MAD1L1: variants seen among roughly 807,000 people sequenced by gnomAD.
The protein encoded by MAD1L1 is mitotic arrest deficient 1 like 1.
In MAD1L1, 95 loss-of-function variants were observed where a neutral mutation model predicts 96.9. The observed-to-expected ratio is 0.98, with a 90% CI of 0.83 to 1.16. The LOEUF (loss-of-function observed/expected upper bound fraction) is 1.16. Ranked by LOEUF, MAD1L1 falls within the 50% of genes most tolerant of loss-of-function variation. The pLI is 0.00. For missense variants in MAD1L1, 1,007 were observed against 954.4 expected (o/e 1.06, Z -0.73); for synonymous variants, 473 against 396.6 (o/e 1.19, Z -2.29).
At chr7:2,009,078 C>G (rs894813650) in intron 13 of MAD1L1, among the ~76,000 whole-genome samples, 3 of 152,218 alleles carry the variant, frequency 2.0e-5, no homozygotes, top group African/African-American at 7.2e-5. Context: ...TCCACCCAAG[C>G]AGCTGAAGGG....
intron 10 of MAD1L1, among the ~76,000 whole-genome samples, chr7:2,198,892 A>G (rs1792133043): frequency 1.3e-5 from 2 of 152,226 alleles, no homozygotes; most frequent in African/African-American, 4.8e-5. Flanking sequence ...ATAGGGTTCC[A>G]AAGCTCCAGC....
intron 14 of MAD1L1, among the ~76,000 whole-genome samples, chr7:1,992,341 A>C (rs1584017248): frequency 1.3e-5 from 2 of 152,250 alleles, no homozygotes; most frequent in East Asian, 3.8e-4. Context: ...CACTGGGATC[A>C]ATGAGGCTGC....
At chr7:1,866,253 G>A (rs750429425) in intron 18 of MAD1L1, among the ~76,000 whole-genome samples, 6 of 152,058 alleles carry the variant, frequency 3.9e-5, no homozygotes, top group Non-Finnish European at 8.8e-5. Context: ...TGCAGAGCCC[G>A]GGTGCGCTCT....
rs1346210284 is a variant in MAD1L1, at chr7:2,103,199, C to T, written c.1074-33861G>A. On this transcript the variant is annotated intron_variant, in intron 11 of 18. Coordinates refer to ENST00000265854, the MANE Select transcript of MAD1L1 (RefSeq NM_001013836.2). This position sits in a 1 kb window ranked among gnomAD's most constrained non-coding sequence, Gnocchi z 4.3. ...CAAAGGGGCAGCTCCGACCACGCTTCAGCTCTCAGCCCACATGGTGTGTCC... is the reference window on the plus strand; with the variant it reads ...CAAAGGGGCAGCTCCGACCACGCTTTAGCTCTCAGCCCACATGGTGTGTCC... Among the ~76,000 whole-genome samples, 9 of 152,204 alleles carry T rather than the reference C, an allele frequency of 5.9e-5. No homozygotes were observed. The highest frequency in any genetic ancestry group is 1.3e-4 in the Non-Finnish European group (9 of 68,046).
chr7:2,219,817 T>C (rs1201397871), intron 5 of MAD1L1, among the ~76,000 whole-genome samples: 2 of 152,130 alleles, frequency 1.3e-5, no homozygotes, highest in Middle Eastern at 3.4e-3. Context: ...GCCCAGAGCC[T>C]GCCACAAGCC....
intron 16 of MAD1L1, among the ~76,000 whole-genome samples, chr7:1,953,795 T>C (rs527512181): frequency 4.3e-4 from 65 of 152,266 alleles, no homozygotes; most frequent in African/African-American, 1.5e-3. Context: ...CCCAACAGGG[T>C]TGAGTCTGAA....
At chr7:1,985,702 G>T (rs1161203006) in intron 14 of MAD1L1, among the ~76,000 whole-genome samples, 1 of 152,168 alleles carries the variant, frequency 6.6e-6, no homozygotes, top group Non-Finnish European at 1.5e-5. Context: ...TTCCAATTCA[G>T]GAGATGGAAC....
intron 15 of MAD1L1, among the ~76,000 whole-genome samples, chr7:1,965,935 A>C (rs1780148264): frequency 6.6e-6 from 1 of 152,258 alleles, no homozygotes; most frequent in African/African-American, 2.4e-5. Flanking sequence ...GGAAGGACTG[A>C]AAAGCGTAGT....
At chr7:2,086,589 T>G (rs1320237494) in intron 11 of MAD1L1, among the ~76,000 whole-genome samples, 1 of 152,250 alleles carries the variant, frequency 6.6e-6, no homozygotes, top group East Asian at 1.9e-4. Context: ...GTCTCGTTCT[T>G]GTCCCCCAGA....
intron 16 of MAD1L1, 78 bp downstream of exon 16, chr7:1,957,551 G>A: frequency 4.2e-6 from 6 of 1,412,946 alleles, no homozygotes; most frequent in Non-Finnish European, 5.9e-6. Flanking sequence ...TGTGGCAGCA[G>A]GAACCACGGT....
intron 4 of MAD1L1, among the ~76,000 whole-genome samples, chr7:2,224,594 C>T (rs571127142): frequency 3.6e-4 from 55 of 152,290 alleles, no homozygotes; most frequent in Admixed American, 1.2e-3. Context: ...TGTGTGAATA[C>T]ACCGCATGAT....
chr7:2,209,450 C>T (rs531572369), intron 10 of MAD1L1, among the ~76,000 whole-genome samples: 4 of 152,334 alleles, frequency 2.6e-5, no homozygotes, highest in Non-Finnish European at 4.4e-5. Context: ...GGCCCCAGGA[C>T]ACTGGTCAGA....
intron 18 of MAD1L1, among the ~76,000 whole-genome samples, chr7:1,886,667 G>A (rs1189141182): frequency 6.6e-6 from 1 of 152,272 alleles, no homozygotes; most frequent in Non-Finnish European, 1.5e-5. Context: ...CCCTGGGCCA[G>A]CCTGGCAGGA....
At chr7:2,140,283 C>T (rs967528491) in intron 11 of MAD1L1, among the ~76,000 whole-genome samples, 2 of 152,218 alleles carry the variant, frequency 1.3e-5, no homozygotes, top group Non-Finnish European at 2.9e-5. Context: ...AAAACAGTGA[C>T]TCCAGCACCC....
chr7:2,147,269 G>C (rs755127091), intron 11 of MAD1L1, among the ~76,000 whole-genome samples: 1 of 152,126 alleles, frequency 6.6e-6, no homozygotes, highest in Non-Finnish European at 1.5e-5. Flanking sequence ...CTGCAGGCAA[G>C]AGGGACCGGG....
chr7:1,872,950 C>T (rs763597687), intron 18 of MAD1L1, among the ~76,000 whole-genome samples: 4 of 152,168 alleles, frequency 2.6e-5, no homozygotes, highest in South Asian at 2.1e-4. Context: ...GAAACTGTCA[C>T]GGAGAGAGAG....
intron 10 of MAD1L1, among the ~76,000 whole-genome samples, chr7:2,191,098 C>T (rs937537058): frequency 3.3e-5 from 5 of 152,132 alleles, no homozygotes; most frequent in African/African-American, 1.2e-4. Context: ...CAAGGACAAC[C>T]GATACAAGCA....
At chr7:1,964,914 C>T (rs563995939) in intron 15 of MAD1L1, among the ~76,000 whole-genome samples, 17 of 152,312 alleles carry the variant, frequency 1.1e-4, no homozygotes, top group South Asian at 1.0e-3. Context: ...TAGGGAGACC[C>T]GAGGCCCAAC....
intron 12 of MAD1L1, among the ~76,000 whole-genome samples, chr7:2,029,890 G>A (rs2128505782): frequency 6.6e-6 from 1 of 152,036 alleles, no homozygotes; most frequent in Admixed American, 6.6e-5. Flanking sequence ...ATGAGAGAGG[G>A]GAAAAGCTTC....
Sources: gnomAD v4.1 joint callset for allele counts (sites outside exome capture counted in the v4.1 genomes callset) on GRCh38, gnomAD v4.1.1 for gene constraint, Gnocchi (gnomAD v3.1) non-coding constraint, MANE v1.5 for transcripts, NCBI Gene and HGNC (gene_info 2026-07-23, HGNC 2026-07-21) for gene names.